The following KIRREL3 variants were observed in gnomAD, a reference collection of about 807,000 sequenced individuals.
KIRREL3 encodes the protein kin of IRRE-like protein 3.
KIRREL3 carries 36 observed loss-of-function variants against 89.7 expected under a neutral mutation model. The ratio of observed to expected loss-of-function variants is 0.40; its 90% CI spans 0.31 to 0.53. The LOEUF (loss-of-function observed/expected upper bound fraction) is 0.53, where lower values mean the gene tolerates loss of function less well. Among genes scored for constraint, KIRREL3 ranks in the 20% least tolerant of loss-of-function variants. The pLI, the probability that KIRREL3 is intolerant of heterozygous loss-of-function variation, is 0.49. For missense variants in KIRREL3, 864 were observed against 1,056.6 expected (o/e 0.82, Z 2.53); for synonymous variants, 445 against 441.4 (o/e 1.01, Z -0.10).
intron 2 of KIRREL3, among the ~76,000 whole-genome samples, chr11:126,542,137 C>A (rs913552985): frequency 1.3e-5 from 2 of 152,226 alleles, no homozygotes; most frequent in African/African-American, 4.8e-5. Context: ...TGAAAGCAGG[C>A]CCACCCGGCG....
rs75622676 is a variant in KIRREL3 at position 126,427,034 on chromosome 11, C to A, written c.1807-1310G>T. ...CTCAGCAAGTCCCTTCTGCTCCCACCTGACACTGAGCTGCCCCCACTCTTG... is the reference window on the plus strand; with the variant it reads ...CTCAGCAAGTCCCTTCTGCTCCCACATGACACTGAGCTGCCCCCACTCTTG... On this transcript the variant is annotated intron_variant, in intron 15 of 16. Coordinates refer to ENST00000525144, the MANE Select transcript of KIRREL3 (RefSeq NM_032531.4). The surrounding 1 kb of genome is among the most constrained non-coding windows in gnomAD (Gnocchi z 5.3). Among the ~76,000 whole-genome samples the A allele has an allele frequency of 2.0e-5, 3 of 152,314 alleles. No homozygotes were observed. Among genetic ancestry groups the A allele is most frequent in the Non-Finnish European group, 4.4e-5 (3 of 68,034 alleles).
At chr11:126,451,011 G>A in intron 7 of KIRREL3, among the ~76,000 whole-genome samples, 1 of 151,250 alleles carries the variant, frequency 6.6e-6, no homozygotes, top group Non-Finnish European at 1.5e-5. Flanking sequence ...GTGCACGTGA[G>A]TGCATGTGTC....
intron 1 of KIRREL3, among the ~76,000 whole-genome samples, chr11:126,713,783 A>G (rs1947851541): frequency 6.6e-6 from 1 of 152,068 alleles, no homozygotes. Context: ...CTCCTTGAAG[A>G]GGTGATGTTC....
In KIRREL3 at chr11:126,490,919, G is replaced by A. The variant is rs947773771; in HGVS notation, c.434-17453C>T. 6.6e-6 allele frequency among the ~76,000 whole-genome samples: 1 copy of A among 152,170 alleles called. No homozygotes were observed. Among genetic ancestry groups the A allele is most frequent in the African/African-American group, 2.4e-5 (1 of 41,426 alleles). On this transcript the variant is annotated intron_variant, in intron 4 of 16. Transcript: ENST00000525144. The surrounding 1 kb of genome is among the most constrained non-coding windows in gnomAD (Gnocchi z 4.2). ...TGCTCATTTGCTCTTAAGGGTGCAG[G>A]GGGTCCACAAATGCCTGAGGATCCA...
chr11:126,751,912 A>G (rs982428543), intron 1 of KIRREL3, among the ~76,000 whole-genome samples: 1 of 152,200 alleles, frequency 6.6e-6, no homozygotes, highest in Non-Finnish European at 1.5e-5. Flanking sequence ...TATGTTGACC[A>G]GGCTGATCTC....
rs923366347 is a variant in KIRREL3 at position 126,779,623 on chromosome 11, T to C, written c.56-216711A>G. ...CAGGACATTTTAAAATTTATGTCCA[T>C]AGTCTCAACACCTGGCGTCAATCTT... On this transcript the variant is annotated intron_variant, in intron 1 of 16. Transcript: ENST00000525144. Among the ~76,000 whole-genome samples, 7 of 152,202 alleles carry C rather than the reference T, an allele frequency of 4.6e-5. No individual in the cohort carries two copies. In the South Asian group the frequency reaches 1.4e-3, roughly 31 times the overall value.
intron 1 of KIRREL3, among the ~76,000 whole-genome samples, chr11:126,815,732 T>A (rs1951548985): frequency 6.6e-6 from 1 of 152,130 alleles, no homozygotes; most frequent in African/African-American, 2.4e-5. Flanking sequence ...AGACGGGGTT[T>A]CACTGTGTTA....
At chr11:126,825,218 CT>C in intron 1 of KIRREL3, among the ~76,000 whole-genome samples, 1 of 152,116 alleles carries the variant, frequency 6.6e-6, no homozygotes, top group East Asian at 1.9e-4. Flanking sequence ...CATAAAATGC[CT>C]CTTGAAATTA....
In KIRREL3 at chr11:126,550,896, A is replaced by T. The variant is rs1031788238; in HGVS notation, c.133+11939T>A. ...ACTGTCTACCTGGAGATAGTGTCAG[A>T]TCCCACAGGCTGGGGGCTCAGTCCC... On this transcript the variant is annotated intron_variant, in intron 2 of 16. Transcript: ENST00000525144. This position sits in a 1 kb window ranked among gnomAD's most constrained non-coding sequence, Gnocchi z 4.9. Among the ~76,000 whole-genome samples the T allele has an allele frequency of 4.6e-5, 7 of 152,052 alleles. No homozygotes were observed. Among genetic ancestry groups the T allele is most frequent in the African/African-American group, 1.7e-4 (7 of 41,396 alleles).
In KIRREL3 at chr11:126,736,769, G is replaced by A. The variant is rs186704155; in HGVS notation, c.56-173857C>T. Among the ~76,000 whole-genome samples, 49 of 152,298 alleles carry A rather than the reference G, an allele frequency of 3.2e-4. No homozygotes were observed. Among genetic ancestry groups the A allele is most frequent in the Admixed American group, 2.0e-4 (3 of 15,296 alleles). ...ATTTTACAGATAAGAAAACCCGGGT[G>A]TGGGTAAGGTTAAAGGTCATGCTAA... On this transcript the variant is annotated intron_variant, in intron 1 of 16. Coordinates refer to ENST00000525144, the MANE Select transcript of KIRREL3 (RefSeq NM_032531.4). The surrounding 1 kb of genome is among the most constrained non-coding windows in gnomAD (Gnocchi z 5.0).
At chr11:126,658,411 T>C (rs1945251934) in intron 1 of KIRREL3, among the ~76,000 whole-genome samples, 1 of 152,198 alleles carries the variant, frequency 6.6e-6, no homozygotes, top group South Asian at 2.1e-4. Context: ...ATACTTCATC[T>C]CAGGGCTGGA....
In KIRREL3 at chr11:126,490,574, G is replaced by A. The variant is rs1278893450; in HGVS notation, c.434-17108C>T. Among the ~76,000 whole-genome samples the A allele has an allele frequency of 6.6e-6, 1 of 152,140 alleles. No individual in the cohort carries two copies. Among genetic ancestry groups the A allele is most frequent in the African/African-American group, 2.4e-5 (1 of 41,414 alleles). ...ACCTGGGAGCGACTCCTGGACTCCC[G>A]GTTCCAGGCTGCATGGCCTTGGATA... On this transcript the variant is annotated intron_variant, in intron 4 of 16. Transcript: ENST00000525144. The surrounding 1 kb of genome is among the most constrained non-coding windows in gnomAD (Gnocchi z 4.2).
intron 1 of KIRREL3, among the ~76,000 whole-genome samples, chr11:126,593,940 G>A (rs1942271779): frequency 6.6e-6 from 1 of 152,188 alleles, no homozygotes; most frequent in South Asian, 2.1e-4. Context: ...AGAGGGCAAG[G>A]CCAGGTCTGT....
chr11:126,853,783 C>G (rs7128471), intron 1 of KIRREL3, among the ~76,000 whole-genome samples: 128,584 of 152,064 alleles, frequency 0.85, 54,549 homozygotes, highest in East Asian at 1. Context: ...CTTTCAAGGT[C>G]TCCGGCTCAG....
chr11:126,648,241 A>G (rs147826382), intron 1 of KIRREL3, among the ~76,000 whole-genome samples: 1 of 152,302 alleles, frequency 6.6e-6, no homozygotes, highest in Non-Finnish European at 1.5e-5. Context: ...TGAGTCAATT[A>G]AACTTCTTTC....
In KIRREL3 at chr11:126,805,889, C is replaced by A. The variant is rs1951188303; in HGVS notation, c.55+194566G>T. ...TCAAACCCAACCCAGTGGGCCTGGG[C>A]AGGTGCCGTGCCATCCCCTCCACCT... On this transcript the variant is annotated intron_variant, in intron 1 of 16. Transcript: ENST00000525144. This position sits in a 1 kb window ranked among gnomAD's most constrained non-coding sequence, Gnocchi z 4.3. Among the ~76,000 whole-genome samples, 2 of 152,174 alleles carry A rather than the reference C, an allele frequency of 1.3e-5. No homozygotes were observed. The highest frequency in any genetic ancestry group is 2.1e-4 in the South Asian group (1 of 4,822).
intron 1 of KIRREL3, among the ~76,000 whole-genome samples, chr11:126,792,778 A>C (rs1298409372): frequency 6.6e-6 from 1 of 152,264 alleles, no homozygotes; most frequent in East Asian, 1.9e-4. Context: ...ATGCTATATA[A>C]AGTCTTAATC....
chr11:126,911,467 C>T (rs886436173), intron 1 of KIRREL3, among the ~76,000 whole-genome samples: 5 of 152,280 alleles, frequency 3.3e-5, no homozygotes, highest in Admixed American at 2.6e-4. Context: ...ATCGAAGCTG[C>T]CCAGCCATTA....
At position 126,489,413 on chromosome 11, in the gene KIRREL3, C is replaced by A. The variant is rs1957451134; in HGVS notation, c.434-15947G>T. Reference sequence around the variant, plus strand: ...TGGGAGTTAGGTGGGGAAAACAAAGCTTCCAGAGGGGATACTTTGGGAGGC... The same window carrying A: ...TGGGAGTTAGGTGGGGAAAACAAAGATTCCAGAGGGGATACTTTGGGAGGC... On this transcript the variant is annotated intron_variant, in intron 4 of 16. Coordinates refer to ENST00000525144, the MANE Select transcript of KIRREL3 (RefSeq NM_032531.4). This position sits in a 1 kb window ranked among gnomAD's most constrained non-coding sequence, Gnocchi z 5.5. Among the ~76,000 whole-genome samples, 1 of 152,150 alleles carries A rather than the reference C, an allele frequency of 6.6e-6. No individual in the cohort carries two copies. Among genetic ancestry groups the A allele is most frequent in the Admixed American group, 6.5e-5 (1 of 15,282 alleles).
Sources: allele counts gnomAD v4.1 joint callset (sites outside exome capture counted in the v4.1 genomes callset), GRCh38; gene constraint gnomAD v4.1.1; non-coding constraint Gnocchi (gnomAD v3.1); transcripts MANE v1.5; gene names NCBI Gene and HGNC (gene_info 2026-07-23, HGNC 2026-07-21).